RRP15: variants seen among roughly 807,000 people sequenced by gnomAD.
RRP15 encodes the protein RRP15-like protein.
RRP15 carries 18 observed loss-of-function variants against 27.1 expected under a neutral mutation model. That is an observed-to-expected ratio of 0.66 (90% CI 0.46 to 0.98). The LOEUF (loss-of-function observed/expected upper bound fraction) is 0.98, where lower values mean the gene tolerates loss of function less well. RRP15 is among the 50% of genes least tolerant of loss of function. The probability of loss-of-function intolerance (pLI) is 0.00; values close to 1 mark genes in which losing one functional copy is unlikely to be tolerated. For synonymous variants in RRP15, 107 were observed against 109.4 expected, an observed-to-expected ratio of 0.98 and a Z score of 0.14; for missense variants, 359 against 337.8, an observed-to-expected ratio of 1.06 and a Z score of -0.49.
intron 1 of RRP15, among the ~76,000 whole-genome samples, chr1:218,286,299 G>A (rs1345224537): frequency 6.6e-6 from 1 of 152,146 alleles, no homozygotes; most frequent in East Asian, 1.9e-4. Flanking sequence ...AGGCCAATAT[G>A]CCCCTCACAA....
intron 1 of RRP15, among the ~76,000 whole-genome samples, chr1:218,292,148 A>G (rs576907672): frequency 1.2e-4 from 18 of 152,324 alleles, no homozygotes; most frequent in African/African-American, 4.3e-4. Flanking sequence ...CAATTTTTCA[A>G]ACAACAAACT....
At chr1:218,297,772 A>G (rs1225370506) in intron 1 of RRP15, among the ~76,000 whole-genome samples, 1 of 152,214 alleles carries the variant, frequency 6.6e-6, no homozygotes, top group Non-Finnish European at 1.5e-5. Context: ...TTTTAAAAGT[A>G]AGGACTTAAG....
intron 1 of RRP15, among the ~76,000 whole-genome samples, chr1:218,295,313 G>A (rs1395313728): frequency 6.6e-6 from 1 of 152,142 alleles, no homozygotes; most frequent in Non-Finnish European, 1.5e-5. Context: ...GACAGGGTGC[G>A]GGGGAAGCGT....
intron 1 of RRP15, among the ~76,000 whole-genome samples, chr1:218,286,678 G>T (rs1246944599): frequency 6.6e-6 from 1 of 152,028 alleles, no homozygotes; most frequent in Admixed American, 6.6e-5. Context: ...TTGCCTTGTG[G>T]GTCCTTCACA....
chr1:218,301,677 T>C (rs1456368953), intron 1 of RRP15: 1 of 152,344 alleles, frequency 6.6e-6, no homozygotes, highest in East Asian at 1.9e-4. Context: ...TTGAATCTAG[T>C]ATCTTGGGCA....
chr1:218,310,835 G>A (rs1237862767), intron 4 of RRP15, among the ~76,000 whole-genome samples: 2 of 151,726 alleles, frequency 1.3e-5, no homozygotes, highest in South Asian at 2.1e-4. Flanking sequence ...TGCAACTTCC[G>A]CCTCCTGGGT....
chr1:218,311,161 T>C (rs1416160543), intron 4 of RRP15, among the ~76,000 whole-genome samples: 3 of 152,200 alleles, frequency 2.0e-5, no homozygotes, highest in Non-Finnish European at 4.4e-5. Context: ...ACTGCCCTTT[T>C]CCATTCTTCT....
chr1:218,328,660 C>T (rs1234769569), intron 4 of RRP15, among the ~76,000 whole-genome samples: 2 of 151,046 alleles, frequency 1.3e-5, no homozygotes, highest in East Asian at 1.9e-4. Context: ...GAGACTCCGT[C>T]TCAAAAAAAA....
chr1:218,300,074 A>G (rs1453269012), intron 1 of RRP15, among the ~76,000 whole-genome samples: 1 of 152,212 alleles, frequency 6.6e-6, no homozygotes, highest in East Asian at 1.9e-4. Context: ...ATGTGTTCAG[A>G]TTTCTTAAAT....
At chr1:218,291,245 C>T (rs948080519) in intron 1 of RRP15, among the ~76,000 whole-genome samples, 2 of 151,876 alleles carry the variant, frequency 1.3e-5, no homozygotes. Flanking sequence ...TGAGACCAGC[C>T]TGGCTAACAT....
intron 1 of RRP15, among the ~76,000 whole-genome samples, chr1:218,298,793 G>A (rs1056517578): frequency 1.3e-5 from 2 of 152,138 alleles, no homozygotes; most frequent in Non-Finnish European, 2.9e-5. Flanking sequence ...TACTCAATAG[G>A]CTCTTGTGGC....
chr1:218,285,908 G>A (rs1245754841), intron 1 of RRP15, among the ~76,000 whole-genome samples: 1 of 152,176 alleles, frequency 6.6e-6, no homozygotes, highest in Non-Finnish European at 1.5e-5. Flanking sequence ...AATAGTGAAT[G>A]AAAGAAGAGT....
At chr1:218,300,524 G>T (rs1341587289) in intron 1 of RRP15, among the ~76,000 whole-genome samples, 2 of 152,114 alleles carry the variant, frequency 1.3e-5, no homozygotes, top group Non-Finnish European at 2.9e-5. Context: ...CTAAAAGTCA[G>T]GTCTTTTTAT....
chr1:218,303,752 G>A (rs1655850179), intron 2 of RRP15, among the ~76,000 whole-genome samples: 1 of 152,154 alleles, frequency 6.6e-6, no homozygotes, highest in East Asian at 1.9e-4. Flanking sequence ...GAAAGCACAT[G>A]TATTGATACC....
intron 1 of RRP15, among the ~76,000 whole-genome samples, chr1:218,295,882 C>G (rs1655710481): frequency 6.6e-6 from 1 of 152,010 alleles, no homozygotes; most frequent in African/African-American, 2.4e-5. Flanking sequence ...TTTATGGAAA[C>G]CTGGGATGAC....
chr1:218,329,339 G>C (rs1486817406), intron 4 of RRP15, among the ~76,000 whole-genome samples: 2 of 150,100 alleles, frequency 1.3e-5, no homozygotes, highest in Non-Finnish European at 3.0e-5. Context: ...AGGATCACTT[G>C]AGCCTGGGAG....
intron 4 of RRP15, among the ~76,000 whole-genome samples, chr1:218,309,907 C>T (rs1571801379): frequency 6.6e-6 from 1 of 152,056 alleles, no homozygotes. Context: ...TAAGTGGCTA[C>T]CCCTGTGTGA....
chr1:218,286,054 A>G (rs1655540348), intron 1 of RRP15, among the ~76,000 whole-genome samples: 1 of 152,188 alleles, frequency 6.6e-6, no homozygotes, highest in African/African-American at 2.4e-5. Context: ...CTTTACCATC[A>G]TTCTTGGCAC....
At chr1:218,329,273 A>T (rs1376455021) in intron 4 of RRP15, among the ~76,000 whole-genome samples, 1 of 136,448 alleles carries the variant, frequency 7.3e-6, no homozygotes, top group Non-Finnish European at 1.6e-5. Context: ...AAAAAAAATT[A>T]GCCAGGCATG....
Sources: gnomAD v4.1 joint callset for allele counts (sites outside exome capture counted in the v4.1 genomes callset) on GRCh38, gnomAD v4.1.1 for gene constraint, MANE v1.5 for transcripts, NCBI Gene and HGNC (gene_info 2026-07-23, HGNC 2026-07-21) for gene names.